Variants in RNF38 observed in about 807,000 individuals in gnomAD.
RNF38 encodes E3 ubiquitin-protein ligase RNF38.
In RNF38, 15 loss-of-function variants were observed where a neutral mutation model predicts 67.2. That is an observed-to-expected ratio of 0.22 (90% confidence interval 0.15 to 0.34). RNF38 has a LOEUF of 0.34. RNF38 is among the 10% of genes least tolerant of loss of function. The pLI, the probability that RNF38 is intolerant of heterozygous loss-of-function variation, is 1.00. For synonymous variants in RNF38, 220 were observed against 218.8 expected (o/e 1.01, Z -0.05); for missense variants, 524 against 639.9 (o/e 0.82, Z 1.95).
intron 1 of RNF38, among the ~76,000 whole-genome samples, chr9:36,438,805 T>G (rs922380020): frequency 6.6e-6 from 1 of 152,222 alleles, no homozygotes; most frequent in African/African-American, 2.4e-5. Flanking sequence ...CGGGAAGAGA[T>G]GTCCTCTCTC....
chr9:36,385,158 T>A (rs935928141), intron 2 of RNF38, among the ~76,000 whole-genome samples: 2 of 150,484 alleles, frequency 1.3e-5, no homozygotes, highest in South Asian at 2.1e-4. Context: ...AAAAAAAAAA[T>A]CGTTTTGAAG....
intron 9 of RNF38, among the ~76,000 whole-genome samples, chr9:36,346,954 C>T (rs1198011317): frequency 6.6e-6 from 1 of 151,924 alleles, no homozygotes; most frequent in South Asian, 2.1e-4. Context: ...CCCGTCTCTA[C>T]TAAAATTACA....
intron 1 of RNF38, among the ~76,000 whole-genome samples, chr9:36,459,263 C>T (rs895337330): frequency 6.6e-6 from 1 of 151,344 alleles, no homozygotes; most frequent in Non-Finnish European, 1.5e-5. Flanking sequence ...ACTGAAAAGA[C>T]TGGGAAAGGG....
chr9:36,412,404 G>A lies in RNF38; in HGVS notation n.312+12209C>T, dbSNP rs559785585. Among the ~76,000 whole-genome samples the A allele has an allele frequency of 9.5e-4, 145 of 152,320 alleles. 1 individual carries two copies. Among genetic ancestry groups the A allele is most frequent in the African/African-American group, 3.4e-3 (141 of 41,568 alleles). On this transcript the variant is annotated intron_variant and non_coding_transcript_variant, in intron 2 of 3. Coordinates refer to the RNF38 transcript ENST00000488058. Reference sequence around the variant, plus strand: ...AAGGCCATCTTCAACACCTAATAGAGAGCAGCTAACTACCCAATTACTTGC... The same window carrying A: ...AAGGCCATCTTCAACACCTAATAGAAAGCAGCTAACTACCCAATTACTTGC...
At chr9:36,341,798 A>G (rs1832854873) in intron 11 of RNF38, among the ~76,000 whole-genome samples, 2 of 47,930 alleles carry the variant, frequency 4.2e-5, no homozygotes, top group Admixed American at 2.0e-4. Context: ...TTCAAAATAT[A>G]TATATATATA....
At chr9:36,348,994 T>C (rs181064464) in intron 9 of RNF38, among the ~76,000 whole-genome samples, 54 of 152,352 alleles carry the variant, frequency 3.5e-4, no homozygotes, top group African/African-American at 1.2e-3. Flanking sequence ...AGCTGGTGAC[T>C]GTAGGCTGAA....
At chr9:36,417,630 C>A (rs1440982241) in intron 2 of RNF38, among the ~76,000 whole-genome samples, 1 of 152,104 alleles carries the variant, frequency 6.6e-6, no homozygotes, top group Non-Finnish European at 1.5e-5. Flanking sequence ...CCTGCCTCAA[C>A]CTTCCGAGTA....
At chr9:36,355,621 A>G (rs1031847822) in intron 6 of RNF38, among the ~76,000 whole-genome samples, 11 of 152,266 alleles carry the variant, frequency 7.2e-5, no homozygotes, top group African/African-American at 2.6e-4. Flanking sequence ...TCATTTTCCA[A>G]TTTAGAACCA....
At chr9:36,470,093 C>T (rs1292527714) in intron 1 of RNF38, among the ~76,000 whole-genome samples, 1 of 152,162 alleles carries the variant, frequency 6.6e-6, no homozygotes. Context: ...ACACACCCTG[C>T]CCTTCATGTG....
chr9:36,402,651 G>A (rs537164650), upstream of RNF38, among the ~76,000 whole-genome samples: 2 of 152,168 alleles, frequency 1.3e-5, no homozygotes, highest in South Asian at 2.1e-4. Context: ...AACTGTAAGA[G>A]AGGCAGATTC....
intron 2 of RNF38, among the ~76,000 whole-genome samples, chr9:36,385,169 TATC>T (rs1399387297): frequency 6.6e-6 from 1 of 152,064 alleles, no homozygotes; most frequent in Admixed American, 6.6e-5. Context: ...CGTTTTGAAG[TATC>T]ATCTTCTCTT....
At chr9:36,399,503 AT>A (rs900133323) in intron 1 of RNF38, among the ~76,000 whole-genome samples, 2 of 148,124 alleles carry the variant, frequency 1.4e-5, no homozygotes, top group African/African-American at 4.9e-5. Flanking sequence ...AATATATTAT[AT>A]AATACCATAT....
chr9:36,407,032 T>G (rs1384118266), intron 2 of RNF38, among the ~76,000 whole-genome samples: 1 of 151,986 alleles, frequency 6.6e-6, no homozygotes, highest in Non-Finnish European at 1.5e-5. Context: ...AAACAAAAGA[T>G]AAAGCTGCAC....
chr9:36,401,273 G>A, upstream of RNF38: 1 of 978,412 alleles, frequency 1.0e-6, no homozygotes, highest in Non-Finnish European at 1.2e-6. Context: ...ACAGAGCTCC[G>A]CGCGCAGCAC....
At chr9:36,413,090 G>T (rs574929526) in intron 2 of RNF38, among the ~76,000 whole-genome samples, 1 of 151,776 alleles carries the variant, frequency 6.6e-6, no homozygotes, top group African/African-American at 2.4e-5. Context: ...AAAGCTGGGC[G>T]TGGTGGCAGG....
chr9:36,417,935 T>C (rs1211798018), intron 2 of RNF38, among the ~76,000 whole-genome samples: 1 of 152,210 alleles, frequency 6.6e-6, no homozygotes, highest in Admixed American at 6.5e-5. Context: ...ATGAAAAACA[T>C]TTCATACAAA....
chr9:36,368,555 G>T (rs1011399409), intron 4 of RNF38, among the ~76,000 whole-genome samples: 5 of 152,098 alleles, frequency 3.3e-5, no homozygotes, highest in Admixed American at 3.3e-4. Context: ...CAAGGGGATG[G>T]GGAGAAGGTA....
chr9:36,399,295 T>C lies in RNF38; in HGVS notation c.12+802A>G, dbSNP rs191597710. Among the ~76,000 whole-genome samples, 37 of 152,188 alleles carry C rather than the reference T, an allele frequency of 2.4e-4. No individual in the cohort carries two copies. The East Asian group carries it at 7.1e-3, about 29-fold the overall frequency. ...ACAGATTATTTAAGTCCAACTTTTTTTATATTTTACAGATGAGAGCCTGAG... is the reference window on the plus strand; with the variant it reads ...ACAGATTATTTAAGTCCAACTTTTTCTATATTTTACAGATGAGAGCCTGAG... On this transcript the variant is annotated intron_variant, in intron 1 of 11. Transcript: ENST00000259605.
chr9:36,470,465 C>T (rs1384435399), intron 1 of RNF38, among the ~76,000 whole-genome samples: 1 of 152,132 alleles, frequency 6.6e-6, no homozygotes, highest in Admixed American at 6.6e-5. Flanking sequence ...GTGGGAAAAA[C>T]AGCACTGCAT....
Sources: gnomAD v4.1 joint callset for allele counts (sites outside exome capture counted in the v4.1 genomes callset) on GRCh38, gnomAD v4.1.1 for gene constraint, MANE v1.5 for transcripts, NCBI Gene and HGNC (gene_info 2026-07-23, HGNC 2026-07-21) for gene names.